The following TRIM37 variants were observed in gnomAD, a reference collection of about 807,000 sequenced individuals.
TRIM37 encodes the protein tripartite motif containing 37, also known as E3 ubiquitin-protein ligase TRIM37.
In TRIM37, 80 loss-of-function variants were observed where a neutral mutation model predicts 129.8. The ratio of observed to expected loss-of-function variants is 0.62; its 90% CI spans 0.51 to 0.74. The LOEUF (loss-of-function observed/expected upper bound fraction) is 0.74, where lower values mean the gene tolerates loss of function less well. Ranked by LOEUF, TRIM37 falls within the 30% of genes least tolerant of loss-of-function variation. The probability of loss-of-function intolerance (pLI) is 0.00; values close to 1 mark genes in which losing one functional copy is unlikely to be tolerated. For missense variants in TRIM37, 1,054 were observed against 1,176.5 expected (o/e 0.90, Z 1.52); for synonymous variants, 389 against 387.1 (o/e 1.00, Z -0.06).
intron 2 of TRIM37, among the ~76,000 whole-genome samples, chr17:59,096,324 G>A (rs2044861133): frequency 6.6e-6 from 1 of 151,828 alleles, no homozygotes; most frequent in African/African-American, 2.4e-5. Flanking sequence ...GGCCGAGGTG[G>A]GTGGATCACC....
chr17:59,083,396 C>G (rs780991269), intron 5 of TRIM37, among the ~76,000 whole-genome samples: 168 of 151,688 alleles, frequency 1.1e-3, no homozygotes, highest in Non-Finnish European at 2.0e-3. Flanking sequence ...CGAGATCCCA[C>G]CATTGCACTC....
At chr17:59,056,743 A>AAAAAAAC (rs2040951214) in intron 13 of TRIM37, 132 bp downstream of exon 13, 1 of 473,730 alleles carries the variant, frequency 2.1e-6, no homozygotes, top group Non-Finnish European at 3.5e-6. Context: ...AAAAAAAAAA[A>AAAAAAAC]AAAAGGTGAT....
chr17:58,985,528 T>C (rs1423227596), intron 24 of TRIM37, among the ~76,000 whole-genome samples: 18 of 152,334 alleles, frequency 1.2e-4, no homozygotes. Context: ...CTTTCCCCTT[T>C]CGCTTAGCCT....
At chr17:59,027,395 G>A (rs573788915) in intron 19 of TRIM37, among the ~76,000 whole-genome samples, 3 of 152,060 alleles carry the variant, frequency 2.0e-5, no homozygotes, top group Non-Finnish European at 2.9e-5. Context: ...TTCAACTATG[G>A]TTCTGAGAAA....
chr17:59,106,174 A>C (rs528765886), intron 1 of TRIM37, among the ~76,000 whole-genome samples: 3 of 152,322 alleles, frequency 2.0e-5, no homozygotes, highest in South Asian at 4.1e-4. Flanking sequence ...TGCTGTTTGC[A>C]AACACCCGGT....
intron 19 of TRIM37, among the ~76,000 whole-genome samples, chr17:59,023,833 A>G (rs573416288): frequency 2.8e-4 from 43 of 152,350 alleles, no homozygotes; most frequent in African/African-American, 1.0e-3. Flanking sequence ...AAAAGTAAGC[A>G]GAAAATGAAT....
At chr17:59,094,043 C>T (rs1185835778) in intron 2 of TRIM37, among the ~76,000 whole-genome samples, 3 of 152,026 alleles carry the variant, frequency 2.0e-5, no homozygotes, top group African/African-American at 7.2e-5. Flanking sequence ...TACAGGCATG[C>T]GACGCCACAC....
At chr17:59,001,535 GAAGA>G in intron 23 of TRIM37, 59 bp downstream of exon 23, 2 of 1,606,888 alleles carry the variant, frequency 1.2e-6, no homozygotes, top group Non-Finnish European at 8.5e-7. Flanking sequence ...AGCAGAAGAA[GAAGA>G]AAGAGAAGCG....
chr17:59,091,688 ACT>A (rs2044402025), intron 2 of TRIM37, among the ~76,000 whole-genome samples: 1 of 142,480 alleles, frequency 7.0e-6, no homozygotes, highest in Non-Finnish European at 1.5e-5. Flanking sequence ...AATGGGTTTA[ACT>A]CTCTAGTGCT....
rs1412507473 is a variant in TRIM37, at chr17:59,041,848, T to C, written c.1718A>G (p.Glu573Gly). 6.2e-7 allele frequency: 1 copy of C among 1,613,940 alleles called. No homozygotes were observed. Among genetic ancestry groups the C allele is most frequent in the Non-Finnish European group, 8.5e-7 (1 of 1,179,898 alleles). ...TGCAGCAGCTGCATCTTCCATGAGTTCTCCCTCTTCTAATTCCATGTTGTT... is the reference window on the plus strand; with the variant it reads ...TGCAGCAGCTGCATCTTCCATGAGTCCTCCCTCTTCTAATTCCATGTTGTT... ...EYNNMELEEGELMEDAAAAGP... is the reference protein window; with the variant it reads ...EYNNMELEEGGLMEDAAAAGP... Residue 573 changes from glutamate (E) to glycine (G), a missense_variant, in exon 17 of 24, where the codon GAA becomes GGA. By Grantham distance (98) the Glu-to-Gly change is moderately conservative. Around this residue, in one of 3 missense-constraint regions of TRIM37, gnomAD observed 752 missense variants for 870.8 expected, o/e 0.86. Transcript: ENST00000262294.
chr17:59,024,606 C>T (rs1236015999), intron 19 of TRIM37, among the ~76,000 whole-genome samples: 1 of 152,174 alleles, frequency 6.6e-6, no homozygotes, highest in Non-Finnish European at 1.5e-5. Flanking sequence ...CGGCTCACTG[C>T]ACCTCAAATT....
intron 14 of TRIM37, 104 bp from the exon 15 acceptor site, chr17:59,049,497 CTTTA>C (rs2146141864): frequency 1.9e-6 from 2 of 1,029,320 alleles, no homozygotes; most frequent in Non-Finnish European, 2.9e-6. Flanking sequence ...AAAACCATTG[CTTTA>C]TTTATTTTTT....
At chr17:58,987,753 C>T (rs528004592) in intron 24 of TRIM37, among the ~76,000 whole-genome samples, 1 of 152,122 alleles carries the variant, frequency 6.6e-6, no homozygotes, top group Non-Finnish European at 1.5e-5. Context: ...TTTTTCTAAT[C>T]TTATCACCTT....
At chr17:59,064,726 T>C (rs986837190) in intron 9 of TRIM37, among the ~76,000 whole-genome samples, 3 of 152,136 alleles carry the variant, frequency 2.0e-5, no homozygotes, top group South Asian at 2.1e-4. Flanking sequence ...ATGGCCAACA[T>C]GGTAAAACCC....
At chr17:58,988,793 T>TATC (rs1555627618) in intron 24 of TRIM37, among the ~76,000 whole-genome samples, 3 of 152,044 alleles carry the variant, frequency 2.0e-5, no homozygotes, top group South Asian at 2.1e-4. Context: ...AAATACAAGG[T>TATC]ATCATCACAG....
chr17:59,104,614 A>C (rs1373699387), intron 1 of TRIM37: 5 of 678,148 alleles, frequency 7.4e-6, no homozygotes, highest in Non-Finnish European at 1.3e-5. Flanking sequence ...TAAGGAAAAT[A>C]TAGGAAATGC....
intron 2 of TRIM37, among the ~76,000 whole-genome samples, chr17:59,097,018 C>T (rs1048947194): frequency 1.1e-4 from 17 of 152,178 alleles, no homozygotes; most frequent in African/African-American, 3.9e-4. Flanking sequence ...GGAAAACCCC[C>T]ACTATGATCA....
chr17:59,040,342 T>G (rs915936407), intron 17 of TRIM37, among the ~76,000 whole-genome samples: 2 of 151,972 alleles, frequency 1.3e-5, no homozygotes, highest in Admixed American at 1.3e-4. Context: ...AGACTAGAAA[T>G]GGCAAAGGAG....
chr17:59,006,344 A>G (rs1029744794), intron 22 of TRIM37, among the ~76,000 whole-genome samples: 35 of 152,204 alleles, frequency 2.3e-4, no homozygotes, highest in African/African-American at 8.2e-4. Flanking sequence ...ATCATCTACC[A>G]TATTTTTTGA....
Sources: gnomAD v4.1 joint callset for allele counts (sites outside exome capture counted in the v4.1 genomes callset) on GRCh38, gnomAD v4.1.1 for gene constraint, gnomAD v4.1.1 regional missense constraint, MANE v1.5 for transcripts, NCBI Gene and HGNC (gene_info 2026-07-23, HGNC 2026-07-21) for gene names.